MOGAT1: variants seen among roughly 807,000 people sequenced by gnomAD.
MOGAT1 encodes the protein monoacylglycerol O-acyltransferase 1, also known as 2-acylglycerol O-acyltransferase 1.
A neutral mutation model predicts 31.4 loss-of-function variants in MOGAT1; 32 were observed. The observed-to-expected ratio is 1.02, with a 90% confidence interval of 0.77 to 1.37. MOGAT1 has a LOEUF of 1.37. MOGAT1 is among the 40% of genes most tolerant of loss of function. MOGAT1 has a pLI of 0.00. For synonymous variants in MOGAT1, 145 were observed against 144.5 expected (o/e 1.00, Z -0.03); for missense variants, 426 against 402.0 (o/e 1.06, Z -0.51).
At position 222,695,362 on chromosome 2, in the gene MOGAT1, G is replaced by T; in HGVS notation, c.853+74G>T. 3.9e-6 allele frequency: 4 copies of T among 1,015,832 alleles called. No individual in the cohort carries two copies. In the South Asian group the frequency reaches 7.3e-5, roughly 19 times the overall value. 62.9% of individuals were successfully genotyped at this position (1,015,832 alleles called of 1,614,324 possible). ...TCTTGTTATTGATTGAGGTGCTAAT[G>T]CAAGGGAAGTGGCTTTGAGTAAGAA... On this transcript the variant is annotated intron_variant, in intron 5 of 5. Transcript: ENST00000446656.
intron 1 of MOGAT1, among the ~76,000 whole-genome samples, chr2:222,679,772 G>T (rs1162412145): frequency 3.3e-5 from 5 of 152,202 alleles, no homozygotes; most frequent in Non-Finnish European, 7.3e-5. Flanking sequence ...AACCAAAGTG[G>T]AGTCACTCAT....
intron 3 of MOGAT1, among the ~76,000 whole-genome samples, chr2:222,693,634 C>T (rs1692797337): frequency 6.6e-6 from 1 of 151,796 alleles, no homozygotes; most frequent in African/African-American, 2.4e-5. Flanking sequence ...TGGCGGCAGG[C>T]AAGGAGAGAG....
At position 222,681,508 on chromosome 2, in the gene MOGAT1, A is replaced by G. The variant is rs184946621; in HGVS notation, c.95-6836A>G. Among the ~76,000 whole-genome samples, 345 of 152,266 alleles carry G rather than the reference A, an allele frequency of 2.3e-3. 1 individual carries two copies. Among genetic ancestry groups the G allele is most frequent in the Admixed American group, 4.4e-3 (68 of 15,298 alleles). ...GTCCCCATGGTGTTGGGGTACACCA[A>G]TCTCTCAGCTTGTGATTGTGTTCAC... On this transcript the variant is annotated intron_variant, in intron 1 of 5. Coordinates refer to ENST00000446656, the MANE Select transcript of MOGAT1 (RefSeq NM_058165.3).
At chr2:222,700,574 T>G (rs975928787) in intron 5 of MOGAT1, among the ~76,000 whole-genome samples, 24 of 152,346 alleles carry the variant, frequency 1.6e-4, no homozygotes, top group African/African-American at 5.5e-4. Context: ...ATATGTTTCA[T>G]AAAGACTGAC....
intron 3 of MOGAT1, among the ~76,000 whole-genome samples, chr2:222,692,656 G>A (rs1204429967): frequency 3.9e-5 from 6 of 152,178 alleles, no homozygotes; most frequent in African/African-American, 1.4e-4. Flanking sequence ...AAGATCTCCT[G>A]ACAGATGGAT....
rs1692823529 is a variant in MOGAT1 at position 222,695,267 on chromosome 2, A to C, written c.832A>C (p.Arg278=). 6 of 1,612,396 alleles carry C rather than the reference A, an allele frequency of 3.7e-6. No homozygotes were observed. The highest frequency in any genetic ancestry group is 5.1e-6 in the Non-Finnish European group (6 of 1,179,064). Residue 278 remains arginine, a synonymous_variant, in exon 5 of 6, where the codon AGG becomes CGG. Coordinates refer to ENST00000446656, the MANE Select transcript of MOGAT1 (RefSeq NM_058165.3). ...FQYNFGLMTY[R]KAIHTVVGRP... ...GTACAATTTTGGCCTAATGACCTAT[A>C]GGAAAGCCATCCACACTGTTGGTAT...
intron 5 of MOGAT1, among the ~76,000 whole-genome samples, chr2:222,707,430 G>A (rs926503831): frequency 6.6e-5 from 10 of 151,234 alleles, no homozygotes; most frequent in Non-Finnish European, 1.2e-4. Context: ...AGGGAAGGGA[G>A]GCAAGGAAGG....
intron 1 of MOGAT1, among the ~76,000 whole-genome samples, chr2:222,687,572 C>T (rs1692692951): frequency 6.6e-6 from 1 of 152,192 alleles, no homozygotes; most frequent in Non-Finnish European, 1.5e-5. Context: ...CTTGTCACTA[C>T]AACCCAAGTC....
At chr2:222,697,188 A>C (rs1283166944) in intron 5 of MOGAT1, among the ~76,000 whole-genome samples, 1 of 152,220 alleles carries the variant, frequency 6.6e-6, no homozygotes, top group African/African-American at 2.4e-5. Context: ...TGAAGCTGGA[A>C]GTAATATGTT....
chr2:222,708,129 G>A (rs1173109912), intron 5 of MOGAT1, among the ~76,000 whole-genome samples: 1 of 152,124 alleles, frequency 6.6e-6, no homozygotes, highest in African/African-American at 2.4e-5. Context: ...TGTCCCCCAG[G>A]CTAAAGTGCA....
At chr2:222,700,732 A>T (rs192579772) in intron 5 of MOGAT1, among the ~76,000 whole-genome samples, 33 of 152,348 alleles carry the variant, frequency 2.2e-4, no homozygotes, top group African/African-American at 7.9e-4. Flanking sequence ...CCATAAAAAA[A>T]GTAAAGCCAT....
rs558160353 is a variant in MOGAT1, at chr2:222,706,469, T to C, written c.854-3267T>C. Among the ~76,000 whole-genome samples the C allele has an allele frequency of 8.9e-3, 856 of 95,680 alleles. 9 individuals carry two copies. The highest frequency in any genetic ancestry group is 0.038 in the African/African-American group (818 of 21,764). 62.8% of individuals were successfully genotyped at this position (95,680 alleles called of 152,430 possible). ...GCCTGGGAGAAAGAGAAAAACTCTG[T>C]ATAAAAAAAAAAAAAAAATTCATTC... On this transcript the variant is annotated intron_variant, in intron 5 of 5. Coordinates refer to ENST00000446656, the MANE Select transcript of MOGAT1 (RefSeq NM_058165.3).
At position 222,681,877 on chromosome 2, in the gene MOGAT1, G is replaced by A. The variant is rs559186423; in HGVS notation, c.95-6467G>A. Reference sequence around the variant, plus strand: ...CCCTGTTGATCAGGAAATTACAACCGTTTTAGGAGCCCTAGGCCAGGAACT... The same window carrying A: ...CCCTGTTGATCAGGAAATTACAACCATTTTAGGAGCCCTAGGCCAGGAACT... On this transcript the variant is annotated intron_variant, in intron 1 of 5. Transcript: ENST00000446656. Among the ~76,000 whole-genome samples the A allele has an allele frequency of 1.2e-4, 19 of 152,128 alleles. 1 individual carries two copies. Among genetic ancestry groups the A allele is most frequent in the Admixed American group, 2.6e-4 (4 of 15,274 alleles).
chr2:222,675,062 T>C (rs1246493949), intron 1 of MOGAT1, among the ~76,000 whole-genome samples: 1 of 152,264 alleles, frequency 6.6e-6, no homozygotes, highest in Non-Finnish European at 1.5e-5. Context: ...GGTAGAACAG[T>C]GTCTCCCCTT....
At chr2:222,706,672 T>C (rs1478713099) in intron 5 of MOGAT1, among the ~76,000 whole-genome samples, 1 of 152,166 alleles carries the variant, frequency 6.6e-6, no homozygotes, top group Non-Finnish European at 1.5e-5. Flanking sequence ...TTCATCTTCT[T>C]AGACCACTGA....
intron 5 of MOGAT1, among the ~76,000 whole-genome samples, chr2:222,703,136 G>T (rs1177102777): frequency 6.6e-6 from 1 of 152,134 alleles, no homozygotes; most frequent in Non-Finnish European, 1.5e-5. Context: ...AAGGGCAAGG[G>T]CTGAGTTTAT....
chr2:222,686,702 A>G (rs1157823716), intron 1 of MOGAT1, among the ~76,000 whole-genome samples: 2 of 152,196 alleles, frequency 1.3e-5, no homozygotes, highest in African/African-American at 2.4e-5. Context: ...GACACATGCT[A>G]CCTTAACCTT....
intron 1 of MOGAT1, among the ~76,000 whole-genome samples, chr2:222,681,175 A>T (rs931495518): frequency 6.6e-6 from 1 of 152,164 alleles, no homozygotes; most frequent in African/African-American, 2.4e-5. Flanking sequence ...CCAACTAGGT[A>T]TTCTATAGTT....
At chr2:222,692,576 G>A (rs1382693157) in intron 3 of MOGAT1, among the ~76,000 whole-genome samples, 7 of 152,166 alleles carry the variant, frequency 4.6e-5, no homozygotes, top group Non-Finnish European at 8.8e-5. Context: ...GTAGTTTGAG[G>A]TGTCTTAGAG....
Sources: gnomAD v4.1 joint callset for allele counts (sites outside exome capture counted in the v4.1 genomes callset) on GRCh38, gnomAD v4.1.1 for gene constraint, MANE v1.5 for transcripts, NCBI Gene and HGNC (gene_info 2026-07-23, HGNC 2026-07-21) for gene names.